The following RBFOX1 variants were observed in gnomAD, a reference collection of about 807,000 sequenced individuals.
RBFOX1 encodes the protein RNA binding fox-1 homolog 1.
A neutral mutation model predicts 57.7 loss-of-function variants in RBFOX1; 8 were observed. The ratio of observed to expected loss-of-function variants is 0.14; its 90% CI spans 0.08 to 0.25. The LOEUF is 0.25. Among genes scored for constraint, RBFOX1 ranks in the 10% least tolerant of loss-of-function variants. RBFOX1 has a pLI of 1.00. For missense variants in RBFOX1, 611 were observed against 548.5 expected, an observed-to-expected ratio of 1.11 and a Z score of -1.14; for synonymous variants, 326 against 222.4, an observed-to-expected ratio of 1.47 and a Z score of -4.15.
intron 3 of RBFOX1, among the ~76,000 whole-genome samples, chr16:6,777,428 A>G (rs1197367542): frequency 6.6e-6 from 1 of 152,136 alleles, no homozygotes; most frequent in Non-Finnish European, 1.5e-5. Context: ...AAAGAAACCA[A>G]CCAAATAACA....
At chr16:5,620,453 C>T (rs948425056) in intron 3 of RBFOX1, among the ~76,000 whole-genome samples, 3 of 152,178 alleles carry the variant, frequency 2.0e-5, no homozygotes, top group East Asian at 1.9e-4. Context: ...CCAGACTGAT[C>T]GCTTCAACCG....
At chr16:6,734,843 A>C (rs1205861828) in intron 3 of RBFOX1, among the ~76,000 whole-genome samples, 1 of 152,212 alleles carries the variant, frequency 6.6e-6, no homozygotes. Flanking sequence ...CAGGTGCAGC[A>C]ATGAAAAGAT....
At chr16:6,980,407 T>C (rs2088428264) in intron 3 of RBFOX1, among the ~76,000 whole-genome samples, 1 of 152,198 alleles carries the variant, frequency 6.6e-6, no homozygotes, top group African/African-American at 2.4e-5. Context: ...GAGAGTTTAC[T>C]TGCCATTTTC....
intron 1 of RBFOX1, among the ~76,000 whole-genome samples, chr16:6,205,328 A>T (rs1305749618): frequency 6.6e-6 from 1 of 152,182 alleles, no homozygotes; most frequent in Non-Finnish European, 1.5e-5. Context: ...GCTGGTTGCA[A>T]TTTGGTATTA....
At chr16:5,288,197 G>A (rs1162762344) in intron 1 of RBFOX1, among the ~76,000 whole-genome samples, 2 of 152,210 alleles carry the variant, frequency 1.3e-5, no homozygotes, top group Non-Finnish European at 2.9e-5. Flanking sequence ...AAGCAAATCA[G>A]TTGTAGATTT....
At chr16:5,914,456 C>A (rs557677168) in intron 4 of RBFOX1, among the ~76,000 whole-genome samples, 4 of 152,034 alleles carry the variant, frequency 2.6e-5, no homozygotes, top group East Asian at 3.9e-4. Flanking sequence ...ATTCATGTAA[C>A]CTTTGGCAGA....
chr16:7,596,137 AAAAAAAAAAAC>A (rs2094685795), intron 8 of RBFOX1, among the ~76,000 whole-genome samples: 4 of 2,296 alleles, frequency 1.7e-3, no homozygotes, highest in African/African-American at 0.012. Context: ...AAAAAAAAAC[AAAAAAAAAAAC>A]GAGAGGTTTT....
intron 3 of RBFOX1, among the ~76,000 whole-genome samples, chr16:6,976,213 A>C (rs1333071332): frequency 2.0e-5 from 3 of 152,160 alleles, no homozygotes; most frequent in African/African-American, 7.2e-5. Context: ...TTCTTATATG[A>C]GCATTCTAAT....
chr16:6,477,893 A>T (rs553323386), intron 2 of RBFOX1, among the ~76,000 whole-genome samples: 1 of 152,264 alleles, frequency 6.6e-6, no homozygotes, highest in Non-Finnish European at 1.5e-5. Context: ...TTCCACTTGC[A>T]TGTTACAGAT....
chr16:5,490,692 G>A (rs1172220666), intron 2 of RBFOX1, among the ~76,000 whole-genome samples: 1 of 152,164 alleles, frequency 6.6e-6, no homozygotes, highest in East Asian at 1.9e-4. Context: ...CTTCAAGGAG[G>A]CCTGGCCAGG....
At chr16:5,376,157 G>C (rs1395013181) in intron 1 of RBFOX1, among the ~76,000 whole-genome samples, 1 of 149,740 alleles carries the variant, frequency 6.7e-6, no homozygotes, top group East Asian at 2.0e-4. Flanking sequence ...GACAGAGCAT[G>C]ACTCTGTCTC....
chr16:5,261,777 C>A (rs12709128), intron 1 of RBFOX1, among the ~76,000 whole-genome samples: 54,042 of 151,978 alleles, frequency 0.36, 9,717 homozygotes, highest in African/African-American at 0.4. Flanking sequence ...GTCTCGATCT[C>A]CTGACCTCGT....
chr16:5,472,539 G>GA (rs1406964341), intron 2 of RBFOX1, among the ~76,000 whole-genome samples: 2 of 152,098 alleles, frequency 1.3e-5, no homozygotes, highest in Admixed American at 6.5e-5. Flanking sequence ...TATCCCAGGG[G>GA]TCAGGAGGGT....
intron 3 of RBFOX1, among the ~76,000 whole-genome samples, chr16:6,775,473 A>AG: frequency 6.6e-6 from 1 of 152,130 alleles, no homozygotes; most frequent in East Asian, 1.9e-4. Context: ...AGAAAAAAAA[A>AG]TAGGTGATAA....
At chr16:6,914,675 A>G (rs1315135859) in intron 3 of RBFOX1, among the ~76,000 whole-genome samples, 18 of 152,184 alleles carry the variant, frequency 1.2e-4, no homozygotes, top group Admixed American at 1.2e-3. Flanking sequence ...CGAGTTCAAG[A>G]TCAGCCTGGC....
intron 2 of RBFOX1, among the ~76,000 whole-genome samples, chr16:6,519,042 C>G (rs1249175297): frequency 2.6e-5 from 4 of 151,962 alleles, no homozygotes; most frequent in Admixed American, 2.6e-4. Flanking sequence ...ACACTTAATT[C>G]TAACTACTTT....
rs899406380 is a variant in RBFOX1 at position 7,483,202 on chromosome 16, C to T, written c.28-34945C>T. The stretch of plus-strand genomic sequence containing the variant: ...TTATTAACCACCTACTATGTGACTG[C>T]GGAAATAGACTCATCAAACTATTTT... On this transcript the variant is annotated intron_variant, in intron 4 of 15. Coordinates refer to ENST00000550418, the MANE Select transcript of RBFOX1 (RefSeq NM_018723.4). 2.6e-5 allele frequency among the ~76,000 whole-genome samples: 4 copies of T among 152,258 alleles called. No homozygotes were observed. In the East Asian group the frequency reaches 5.8e-4, roughly 22 times the overall value.
At chr16:6,572,819 C>T (rs550784972) in intron 2 of RBFOX1, among the ~76,000 whole-genome samples, 1 of 152,094 alleles carries the variant, frequency 6.6e-6, no homozygotes, top group East Asian at 1.9e-4. Flanking sequence ...GCCTCGAACT[C>T]CTGACCTCAA....
intron 4 of RBFOX1, among the ~76,000 whole-genome samples, chr16:5,952,922 C>G (rs918882259): frequency 6.6e-6 from 1 of 152,140 alleles, no homozygotes; most frequent in African/African-American, 2.4e-5. Context: ...GATCAAGAAT[C>G]TTTTTATTTA....
Sources: gnomAD v4.1 joint callset for allele counts (sites outside exome capture counted in the v4.1 genomes callset) on GRCh38, gnomAD v4.1.1 for gene constraint, MANE v1.5 for transcripts, NCBI Gene and HGNC (gene_info 2026-07-23, HGNC 2026-07-21) for gene names.